The following E2F2 variants were observed in gnomAD, a reference collection of about 807,000 sequenced individuals.
The protein encoded by E2F2 is transcription factor E2F2.
In E2F2, 22 loss-of-function variants were observed where a neutral mutation model predicts 42.2. The ratio of observed to expected loss-of-function variants is 0.52; its 90% CI spans 0.37 to 0.74. E2F2 has a LOEUF of 0.74. Ranked by LOEUF, E2F2 falls within the 30% of genes least tolerant of loss-of-function variation. The pLI is 0.00. For missense variants in E2F2, 481 were observed against 557.8 expected (o/e 0.86, Z 1.39); for synonymous variants, 248 against 251.6 (o/e 0.99, Z 0.13).
chr1:23,527,093 G>A (rs1425488217), intron 1 of E2F2, among the ~76,000 whole-genome samples: 3 of 152,220 alleles, frequency 2.0e-5, no homozygotes, highest in Admixed American at 6.5e-5. Context: ...ACAGGTCTTG[G>A]AGTCAGACTG....
At chr1:23,505,687 A>AT (rs1642784118), downstream of E2F2, among the ~76,000 whole-genome samples, 1 of 151,752 alleles carries the variant, frequency 6.6e-6, no homozygotes, top group South Asian at 2.1e-4. Flanking sequence ...AATTTATTTT[A>AT]TTTTTTTAGT....
intron 1 of E2F2, among the ~76,000 whole-genome samples, chr1:23,529,050 C>A (rs988903041): frequency 6.6e-6 from 1 of 151,966 alleles, no homozygotes; most frequent in African/African-American, 2.4e-5. Context: ...CCTGTCTCTA[C>A]AAAAAATAAA....
chr1:23,513,618 AGGAGAATCCCTTGAACCTG>A lies in E2F2; in HGVS notation c.1045+2698_1045+2716del, dbSNP rs1398518633. ...TGTGTGTGTGTGTGTGTGTCTGTGC[AGGAGAATCCCTTGAACCTG>A]GGAGGCGGAGGTTGCAGTGAGCCAA... On this transcript the variant is annotated intron_variant, in intron 6 of 6. Transcript: ENST00000361729. 8.0e-5 allele frequency among the ~76,000 whole-genome samples: 10 copies of A among 124,604 alleles called. No homozygotes were observed. In the East Asian group the frequency reaches 2.4e-3, roughly 30 times the overall value. 81.7% of individuals were successfully genotyped at this position (124,604 alleles called of 152,430 possible).
At chr1:23,529,786 AC>A (rs1215880605) in intron 1 of E2F2, among the ~76,000 whole-genome samples, 2 of 149,568 alleles carry the variant, frequency 1.3e-5, no homozygotes, top group African/African-American at 4.9e-5. Context: ...TTCCCACTCC[AC>A]CCCCCACCCT....
rs561095508 is a variant in E2F2, at chr1:23,508,108, G to T, written c.*1772C>A. 6.6e-6 allele frequency: 1 copy of T among 152,332 alleles called. No individual in the cohort carries two copies. Among genetic ancestry groups the T allele is most frequent in the East Asian group, 1.9e-4 (1 of 5,174 alleles). The allele number at this position is 152,332 out of a possible 1,614,324, so 9.4% of individuals were successfully genotyped here. On this transcript the variant is annotated 3_prime_UTR_variant, in exon 7 of 7. Transcript: ENST00000361729. Reference sequence around the variant, plus strand: ...CATTTCTGCAAAGGGTACACAATTAGCCCTGCTTATAGAGTGGGGGCAGCT... The same window carrying T: ...CATTTCTGCAAAGGGTACACAATTATCCCTGCTTATAGAGTGGGGGCAGCT...
intron 4 of E2F2, 25 bp from the exon 5 acceptor site, chr1:23,519,155 T>G (rs1643087682): frequency 1.3e-6 from 2 of 1,593,980 alleles, no homozygotes; most frequent in Non-Finnish European, 1.7e-6. Context: ...TCAAGAAAAG[T>G]GACTGTCTGG....
intron 1 of E2F2, among the ~76,000 whole-genome samples, chr1:23,529,435 C>T (rs1308864703): frequency 1.3e-5 from 2 of 152,094 alleles, no homozygotes; most frequent in Non-Finnish European, 2.9e-5. Context: ...GCTGGGCATC[C>T]GTGCTTGCTG....
intron 4 of E2F2, among the ~76,000 whole-genome samples, chr1:23,519,667 T>G (rs747558292): frequency 1.3e-5 from 2 of 152,192 alleles, no homozygotes; most frequent in South Asian, 2.1e-4. Flanking sequence ...CGGCGGCTCA[T>G]GCCTGTAATC....
intron 6 of E2F2, among the ~76,000 whole-genome samples, chr1:23,514,176 TC>T (rs1322377607): frequency 1.3e-5 from 2 of 151,644 alleles, no homozygotes; most frequent in African/African-American, 4.8e-5. Context: ...ATCTGCCACC[TC>T]CACCCAAGGT....
chr1:23,520,930 CTCAG>C lies in E2F2; in HGVS notation c.716_719del (p.Thr239ArgfsTer11). 1 of 1,599,636 alleles carries C rather than the reference CTCAG, an allele frequency of 6.3e-7. No homozygotes were observed. Among genetic ancestry groups the C allele is most frequent in the Non-Finnish European group, 8.5e-7 (1 of 1,173,438 alleles). Reference sequence around the variant, plus strand: ...GAGGATATCTCTTGTTGGCCTTGTCCTCAGTCAGGTGCTTGAAGCTCAGAGAGCA... The same window carrying C: ...GAGGATATCTCTTGTTGGCCTTGTCCTCAGGTGCTTGAAGCTCAGAGAGCA... On this transcript the variant is annotated frameshift_variant, in exon 4 of 7. Coordinates refer to ENST00000361729, the MANE Select transcript of E2F2 (RefSeq NM_004091.4). LOFTEE classifies it high-confidence loss of function.
Position 23,520,940 on chromosome 1 carries a change from T to G in E2F2, c.710A>C (p.His237Pro). The change falls in exon 4 of 7, where the codon CAC becomes CCC. Residue 237 changes from histidine to proline, a missense_variant. Transcript: ENST00000361729. The part of the protein sequence containing the change: ...LIQSCSLSFK[H>P]LTEDKANKRL... ...CTTGTTGGCCTTGTCCTCAGTCAGG[T>G]GCTTGAAGCTCAGAGAGCAGCTCTG... The G allele has an allele frequency of 6.2e-7, 1 of 1,606,512 alleles. No homozygotes were observed. The highest frequency in any genetic ancestry group is 8.5e-7 in the Non-Finnish European group (1 of 1,176,534).
intron 1 of E2F2, among the ~76,000 whole-genome samples, chr1:23,526,179 C>T (rs910684617): frequency 6.6e-6 from 1 of 152,130 alleles, no homozygotes; most frequent in Non-Finnish European, 1.5e-5. Flanking sequence ...TATTCCTTTT[C>T]TACCTTCCTA....
At chr1:23,519,497 C>T (rs1643093911) in intron 4 of E2F2, 1 of 160,010 alleles carries the variant, frequency 6.2e-6, no homozygotes, top group African/African-American at 2.4e-5. Flanking sequence ...AAGGTCAGAT[C>T]CAAAACCAAT....
At chr1:23,524,101 C>CAA (rs1370410455) in intron 2 of E2F2, among the ~76,000 whole-genome samples, 1 of 132,120 alleles carries the variant, frequency 7.6e-6, no homozygotes, top group African/African-American at 2.9e-5. Context: ...ACAACAACAA[C>CAA]AACAAAAAAA....
intron 4 of E2F2, chr1:23,519,471 A>C (rs3218173): frequency 0.063 from 10,496 of 166,320 alleles, 662 homozygotes; most frequent in South Asian, 0.3. Context: ...AATGCCTAGC[A>C]TCCTTCCAAA....
At chr1:23,526,829 G>T (rs111608951) in intron 1 of E2F2, among the ~76,000 whole-genome samples, 193 of 150,686 alleles carry the variant, frequency 1.3e-3, no homozygotes, top group African/African-American at 4.4e-3. Context: ...ACGCCCACCT[G>T]CCCCCATCAC....
At chr1:23,512,839 GTCC>G (rs1642936888) in intron 6 of E2F2, among the ~76,000 whole-genome samples, 1 of 150,760 alleles carries the variant, frequency 6.6e-6, no homozygotes, top group Non-Finnish European at 1.5e-5. Context: ...TTGAGACAGA[GTCC>G]CACTCTGTCG....
rs747569073 is a variant in E2F2, at chr1:23,521,928, C to T, written c.487G>A (p.Asp163Asn). ...LDLNWAAEVLDVQKRRIYDIT... is the reference protein window; with the variant it reads ...LDLNWAAEVLNVQKRRIYDIT... Reference sequence around the variant, plus strand: ...TCATAGATGCGCCGCTTCTGCACGTCCAGCACCTCAGCGGCCCAGTTCAGG... The same window carrying T: ...TCATAGATGCGCCGCTTCTGCACGTTCAGCACCTCAGCGGCCCAGTTCAGG... Residue 163 changes from aspartate to asparagine, a missense_variant, in exon 3 of 7, where the codon GAC becomes AAC. Physicochemically the swap from Asp to Asn is conservative, Grantham distance 23. Coordinates refer to ENST00000361729, the MANE Select transcript of E2F2 (RefSeq NM_004091.4). 20 of 1,614,088 alleles carry T rather than the reference C, an allele frequency of 1.2e-5. No homozygotes were observed. The highest frequency in any genetic ancestry group is 1.5e-5 in the Non-Finnish European group (18 of 1,180,044).
At chr1:23,522,289 G>C (rs1643167477) in intron 2 of E2F2, among the ~76,000 whole-genome samples, 2 of 152,224 alleles carry the variant, frequency 1.3e-5, no homozygotes, top group Admixed American at 1.3e-4. Flanking sequence ...TGGAAGCCTA[G>C]TGTCCTGACT....
Sources: allele counts gnomAD v4.1 joint callset (sites outside exome capture counted in the v4.1 genomes callset), GRCh38; gene constraint gnomAD v4.1.1; transcripts MANE v1.5; gene names NCBI Gene and HGNC (gene_info 2026-07-23, HGNC 2026-07-21).